THSD4: variants seen among roughly 807,000 people sequenced by gnomAD.
The protein encoded by THSD4 is thrombospondin type-1 domain-containing protein 4.
Under a neutral mutation model 119.0 loss-of-function variants are expected in THSD4, and 69 were observed. That is an observed-to-expected ratio of 0.58 (90% confidence interval 0.48 to 0.71). The LOEUF is 0.71. Ranked by LOEUF, THSD4 falls within the 30% of genes least tolerant of loss-of-function variation. THSD4 has a pLI of 0.00. For missense variants in THSD4, 1,393 were observed against 1,391.1 expected, an observed-to-expected ratio of 1.00 and a Z score of -0.02; for synonymous variants, 524 against 540.4, an observed-to-expected ratio of 0.97 and a Z score of 0.42.
At chr15:71,531,622 C>CAAGCCT (rs1476736458) in intron 7 of THSD4, among the ~76,000 whole-genome samples, 3 of 152,240 alleles carry the variant, frequency 2.0e-5, no homozygotes, top group African/African-American at 7.2e-5. Context: ...AAGCCTTGAC[C>CAAGCCT]TGACCTGTCC....
At chr15:71,772,636 G>T (rs759562782) in intron 17 of THSD4, among the ~76,000 whole-genome samples, 3 of 152,042 alleles carry the variant, frequency 2.0e-5, no homozygotes, top group Non-Finnish European at 2.9e-5. Flanking sequence ...AAGTAATTGT[G>T]GTTTTTGCCA....
intron 6 of THSD4, among the ~76,000 whole-genome samples, chr15:71,358,589 A>C (rs1020350675): frequency 6.6e-6 from 1 of 152,178 alleles, no homozygotes; most frequent in Non-Finnish European, 1.5e-5. Flanking sequence ...CTTGGACAAG[A>C]CTCCACTTCA....
intron 7 of THSD4, among the ~76,000 whole-genome samples, chr15:71,657,847 C>T (rs1242150669): frequency 6.6e-6 from 1 of 152,192 alleles, no homozygotes; most frequent in Non-Finnish European, 1.5e-5. Context: ...TCAAACTGTG[C>T]AGAGCATTTT....
chr15:71,434,575 A>G (rs540385532), intron 7 of THSD4, among the ~76,000 whole-genome samples: 1 of 151,534 alleles, frequency 6.6e-6, no homozygotes, highest in African/African-American at 2.4e-5. Context: ...TGAGTTGTAG[A>G]GGAGATAGTT....
At chr15:71,150,823 A>G (rs1041832902) in intron 2 of THSD4, among the ~76,000 whole-genome samples, 3 of 152,212 alleles carry the variant, frequency 2.0e-5, no homozygotes, top group African/African-American at 7.2e-5. Flanking sequence ...ATTTTCAAAT[A>G]TGTTAATTCA....
At chr15:71,763,387 A>G (rs187555290) in intron 15 of THSD4, among the ~76,000 whole-genome samples, 9 of 152,224 alleles carry the variant, frequency 5.9e-5, no homozygotes, top group African/African-American at 1.9e-4. Flanking sequence ...AATAAAGTAC[A>G]TAGACCACAG....
intron 4 of THSD4, among the ~76,000 whole-genome samples, chr15:71,230,459 C>T (rs1023952640): frequency 6.6e-6 from 1 of 152,250 alleles, no homozygotes; most frequent in Non-Finnish European, 1.5e-5. Context: ...GCAGCCGTCA[C>T]GGTAACTACC....
intron 8 of THSD4, among the ~76,000 whole-genome samples, chr15:71,721,867 T>C (rs1383259559): frequency 6.6e-6 from 1 of 150,772 alleles, no homozygotes; most frequent in Non-Finnish European, 1.5e-5. Context: ...ATCCCAGCAC[T>C]TGGGGAGGCC....
At chr15:71,154,743 C>T (rs1490740507) in intron 2 of THSD4, 120 bp from the exon 3 acceptor site, 1 of 980,908 alleles carries the variant, frequency 1.0e-6, no homozygotes, top group East Asian at 2.4e-5. Flanking sequence ...GGTCACATCC[C>T]AGGGCCTGGG....
At chr15:71,577,154 G>C (rs772096391) in intron 7 of THSD4, among the ~76,000 whole-genome samples, 2 of 151,178 alleles carry the variant, frequency 1.3e-5, no homozygotes, top group African/African-American at 2.4e-5. Context: ...TATCTCACCT[G>C]TGTGCTGAAC....
chr15:71,734,613 C>A (rs541735854), intron 10 of THSD4, among the ~76,000 whole-genome samples: 58 of 152,164 alleles, frequency 3.8e-4, no homozygotes, highest in Admixed American at 1.2e-3. Context: ...GAATGTGCAC[C>A]CCCAAGTGTG....
At chr15:71,739,730 A>G (rs2053197986) in intron 11 of THSD4, among the ~76,000 whole-genome samples, 1 of 151,738 alleles carries the variant, frequency 6.6e-6, no homozygotes, top group African/African-American at 2.4e-5. Flanking sequence ...AAGAAACAGG[A>G]AGGCTGTATC....
intron 7 of THSD4, among the ~76,000 whole-genome samples, chr15:71,568,069 A>G (rs918305370): frequency 1.3e-5 from 2 of 152,196 alleles, no homozygotes; most frequent in Non-Finnish European, 2.9e-5. Flanking sequence ...ATGAGTATAA[A>G]TAAATACAAA....
intron 1 of THSD4, among the ~76,000 whole-genome samples, chr15:71,108,990 TCAAACAAACAAA>T (rs901677498): frequency 6.6e-6 from 1 of 151,994 alleles, no homozygotes; most frequent in Non-Finnish European, 1.5e-5. Context: ...AGACTCCGTC[TCAAACAAACAAA>T]CAAACAAACA....
At chr15:71,466,354 A>G (rs532391538) in intron 7 of THSD4, among the ~76,000 whole-genome samples, 4 of 152,014 alleles carry the variant, frequency 2.6e-5, no homozygotes, top group Admixed American at 6.5e-5. Context: ...CAAAAAAAAA[A>G]AAAAGGAAAA....
intron 7 of THSD4, among the ~76,000 whole-genome samples, chr15:71,428,714 A>G (rs1388552799): frequency 6.6e-6 from 1 of 152,210 alleles, no homozygotes; most frequent in Non-Finnish European, 1.5e-5. Context: ...TTTTTAATAG[A>G]TACTACATTT....
chr15:71,750,990 C>T (rs1246391629), intron 14 of THSD4, among the ~76,000 whole-genome samples: 1 of 152,196 alleles, frequency 6.6e-6, no homozygotes, highest in South Asian at 2.1e-4. Context: ...ATCAGAAATT[C>T]ACCCTGTGTC....
rs540031164 is a variant in THSD4, at chr15:71,630,012, T to C, written c.1153-30518T>C. Among the ~76,000 whole-genome samples the C allele has an allele frequency of 2.4e-3, 363 of 152,310 alleles. 1 individual carries two copies. Among genetic ancestry groups the C allele is most frequent in the African/African-American group, 8.4e-3 (348 of 41,572 alleles). On this transcript the variant is annotated intron_variant, in intron 7 of 17. Coordinates refer to ENST00000261862, the MANE Select transcript of THSD4 (RefSeq NM_024817.3). ...CTTGGCCGGCTTTGCTCCTCCTGTC[T>C]CTAGTTGGAATCTCTTGACATTTTC...
chr15:71,610,016 G>A (rs1469379026), intron 7 of THSD4, among the ~76,000 whole-genome samples: 2 of 152,116 alleles, frequency 1.3e-5, no homozygotes, highest in African/African-American at 2.4e-5. Flanking sequence ...CATGGAATCC[G>A]AGACTGTCAT....
Sources: gnomAD v4.1 joint callset for allele counts (sites outside exome capture counted in the v4.1 genomes callset) on GRCh38, gnomAD v4.1.1 for gene constraint, MANE v1.5 for transcripts, NCBI Gene and HGNC (gene_info 2026-07-23, HGNC 2026-07-21) for gene names.